The following TMEM117 variants were observed in gnomAD, a reference collection of about 807,000 sequenced individuals.
The protein encoded by TMEM117 is transmembrane protein 117.
Under a neutral mutation model 52.4 loss-of-function variants are expected in TMEM117, and 27 were observed. The ratio of observed to expected loss-of-function variants is 0.51; its 90% CI spans 0.38 to 0.71. The LOEUF (loss-of-function observed/expected upper bound fraction) is 0.71, where lower values mean the gene tolerates loss of function less well. TMEM117 is among the 30% of genes least tolerant of loss of function. The pLI, the probability that TMEM117 is intolerant of heterozygous loss-of-function variation, is 0.00. For missense variants in TMEM117, 556 were observed against 630.5 expected (o/e 0.88, Z 1.26); for synonymous variants, 215 against 206.3 (o/e 1.04, Z -0.36).
chr12:44,187,005 G>A (rs948011153), intron 4 of TMEM117, among the ~76,000 whole-genome samples: 5 of 152,092 alleles, frequency 3.3e-5, no homozygotes, highest in African/African-American at 7.2e-5. Context: ...GAACCTGGGA[G>A]TATGTATAAA....
intron 6 of TMEM117, among the ~76,000 whole-genome samples, chr12:44,372,757 T>C (rs1363163022): frequency 6.6e-6 from 1 of 152,184 alleles, no homozygotes; most frequent in Admixed American, 6.5e-5. Context: ...TCACTTTCCA[T>C]AGTTAAAGGC....
At chr12:44,023,460 A>G (rs545961913) in intron 3 of TMEM117, among the ~76,000 whole-genome samples, 2 of 151,864 alleles carry the variant, frequency 1.3e-5, no homozygotes, top group South Asian at 2.1e-4. Context: ...AAGTGTTCCT[A>G]TTTCTCCACA....
At chr12:44,289,181 A>C (rs1195460064) in intron 5 of TMEM117, among the ~76,000 whole-genome samples, 1 of 151,518 alleles carries the variant, frequency 6.6e-6, no homozygotes, top group African/African-American at 2.4e-5. Flanking sequence ...TGTTGTTGCA[A>C]ATGGAAGGAT....
At chr12:43,938,762 G>A (rs957518573) in intron 2 of TMEM117, among the ~76,000 whole-genome samples, 1 of 152,176 alleles carries the variant, frequency 6.6e-6, no homozygotes, top group African/African-American at 2.4e-5. Flanking sequence ...CACTTTGGAA[G>A]GCCAAGGTGG....
Position 44,358,849 on chromosome 12 carries a change from G to A in TMEM117, c.769-17746G>A, listed in dbSNP as rs183257382. ...GTTTGGTGTAAAGGGACATGGCCCA[G>A]CCTGCAACTAACTAGGAGTTAGTCC... On this transcript the variant is annotated intron_variant, in intron 6 of 7. Coordinates refer to ENST00000266534, the MANE Select transcript of TMEM117 (RefSeq NM_032256.3). 2.5e-3 allele frequency among the ~76,000 whole-genome samples: 373 copies of A among 152,216 alleles called. 1 individual carries two copies. Among genetic ancestry groups the A allele is most frequent in the Non-Finnish European group, 4.4e-3 (301 of 68,004 alleles).
intron 5 of TMEM117, among the ~76,000 whole-genome samples, chr12:44,272,575 C>G (rs1950460245): frequency 6.6e-6 from 1 of 152,194 alleles, no homozygotes; most frequent in Non-Finnish European, 1.5e-5. Flanking sequence ...GAACAAGACA[C>G]TTCTCAAAAG....
chr12:44,278,203 A>G (rs539915090), intron 5 of TMEM117, among the ~76,000 whole-genome samples: 18 of 152,338 alleles, frequency 1.2e-4, no homozygotes, highest in African/African-American at 4.1e-4. Flanking sequence ...TAACACAATC[A>G]TGAGAGTGAT....
At chr12:44,017,121 A>G (rs1475867956) in intron 3 of TMEM117, among the ~76,000 whole-genome samples, 1 of 152,068 alleles carries the variant, frequency 6.6e-6, no homozygotes, top group Non-Finnish European at 1.5e-5. Flanking sequence ...GTTGTGAAAA[A>G]ATAATGTTTA....
At chr12:44,127,926 ATCTG>A (rs948866097) in intron 3 of TMEM117, among the ~76,000 whole-genome samples, 32 of 152,248 alleles carry the variant, frequency 2.1e-4, no homozygotes, top group African/African-American at 7.0e-4. Flanking sequence ...CTGTCTATCT[ATCTG>A]TCTATTTCAT....
At chr12:44,335,358 T>G (rs1951327496) in intron 6 of TMEM117, among the ~76,000 whole-genome samples, 1 of 152,100 alleles carries the variant, frequency 6.6e-6, no homozygotes. Flanking sequence ...AGTCTCTGAG[T>G]AAAATCATTT....
intron 5 of TMEM117, among the ~76,000 whole-genome samples, chr12:44,246,171 T>G (rs1348029199): frequency 6.6e-6 from 1 of 152,138 alleles, no homozygotes; most frequent in African/African-American, 2.4e-5. Context: ...GGAGTTTTAT[T>G]TTTGCAAGTA....
intron 2 of TMEM117, among the ~76,000 whole-genome samples, chr12:43,942,523 A>G (rs1442892146): frequency 6.6e-6 from 1 of 151,950 alleles, no homozygotes; most frequent in Non-Finnish European, 1.5e-5. Context: ...TCTTTTAGTT[A>G]TACAGTCACA....
chr12:43,931,195 T>C (rs901397204), intron 2 of TMEM117, among the ~76,000 whole-genome samples: 2 of 152,142 alleles, frequency 1.3e-5, no homozygotes, highest in South Asian at 4.1e-4. Context: ...TGCCATCAGG[T>C]AGAGTAGTCA....
intron 2 of TMEM117, among the ~76,000 whole-genome samples, chr12:43,853,075 C>G (rs1943338813): frequency 6.6e-6 from 1 of 151,222 alleles, no homozygotes; most frequent in South Asian, 2.1e-4. Flanking sequence ...CATGTGTTTG[C>G]TTATATAGTT....
At chr12:43,946,940 C>T (rs1051570961) in intron 3 of TMEM117, among the ~76,000 whole-genome samples, 15 of 152,196 alleles carry the variant, frequency 9.9e-5, no homozygotes, top group African/African-American at 3.6e-4. Context: ...CATTATGCCT[C>T]ATCTTCATAG....
At chr12:43,833,439 G>A (rs1267748842), upstream of TMEM117, among the ~76,000 whole-genome samples, 1 of 152,150 alleles carries the variant, frequency 6.6e-6, no homozygotes, top group African/African-American at 2.4e-5. Context: ...AAAGGAAAGT[G>A]CCTCCTCTTT....
intron 4 of TMEM117, among the ~76,000 whole-genome samples, chr12:44,207,163 A>T (rs909449387): frequency 2.6e-5 from 4 of 152,206 alleles, no homozygotes; most frequent in Non-Finnish European, 2.9e-5. Context: ...TATTGATAGA[A>T]TAACATTTGT....
intron 2 of TMEM117, among the ~76,000 whole-genome samples, chr12:43,881,547 T>G (rs1461305616): frequency 1.3e-5 from 2 of 152,182 alleles, no homozygotes; most frequent in African/African-American, 4.8e-5. Flanking sequence ...CCCAACACTT[T>G]GGGAGGCCAA....
chr12:43,865,099 C>T (rs781747100), intron 2 of TMEM117, among the ~76,000 whole-genome samples: 32 of 152,160 alleles, frequency 2.1e-4, no homozygotes, highest in Non-Finnish European at 4.4e-4. Flanking sequence ...GAAACAACTC[C>T]GGACCCGCTG....
Sources: allele counts gnomAD v4.1 joint callset (sites outside exome capture counted in the v4.1 genomes callset), GRCh38; gene constraint gnomAD v4.1.1; transcripts MANE v1.5; gene names NCBI Gene and HGNC (gene_info 2026-07-23, HGNC 2026-07-21).